Variants in SPPL3 observed in about 807,000 individuals in gnomAD.
The protein encoded by SPPL3 is signal peptide peptidase-like 3.
SPPL3 carries 5 observed loss-of-function variants against 42.4 expected under a neutral mutation model. The ratio of observed to expected loss-of-function variants is 0.12; its 90% CI spans 0.06 to 0.25. SPPL3 has a LOEUF of 0.25. Among genes scored for constraint, SPPL3 ranks in the 10% least tolerant of loss-of-function variants. The probability of loss-of-function intolerance (pLI) is 1.00; values close to 1 mark genes in which losing one functional copy is unlikely to be tolerated. For synonymous variants in SPPL3, 195 were observed against 181.8 expected (o/e 1.07, Z -0.58); for missense variants, 235 against 489.0 (o/e 0.48, Z 4.90).
intron 1 of SPPL3, among the ~76,000 whole-genome samples, chr12:120,852,165 G>A (rs943369771): frequency 6.6e-6 from 1 of 151,904 alleles, no homozygotes; most frequent in Non-Finnish European, 1.5e-5. Flanking sequence ...CTGCTCTGAC[G>A]AAAGTGTGCT....
intron 1 of SPPL3, among the ~76,000 whole-genome samples, chr12:120,826,792 C>T (rs564626048): frequency 1.3e-5 from 2 of 152,072 alleles, no homozygotes; most frequent in South Asian, 4.2e-4. Context: ...TACCTGGAGT[C>T]CTGCTGTCCA....
chr12:120,850,637 C>T (rs1872192767), intron 1 of SPPL3, among the ~76,000 whole-genome samples: 1 of 152,050 alleles, frequency 6.6e-6, no homozygotes, highest in Non-Finnish European at 1.5e-5. Flanking sequence ...GAGTAACATC[C>T]TATATTAGTT....
chr12:120,801,305 C>T (rs544886036), intron 2 of SPPL3, among the ~76,000 whole-genome samples: 2 of 152,318 alleles, frequency 1.3e-5, no homozygotes, highest in South Asian at 2.1e-4. Flanking sequence ...TCTTCTCTCT[C>T]TCTCATAATC....
chr12:120,793,918 AATTG>A (rs1438249179), intron 2 of SPPL3, among the ~76,000 whole-genome samples: 2 of 152,202 alleles, frequency 1.3e-5, no homozygotes, highest in African/African-American at 2.4e-5. Context: ...AATTAGGTCA[AATTG>A]ATTAAGAGTA....
chr12:120,866,965 A>G lies in SPPL3; in HGVS notation c.23+36880T>C, dbSNP rs140489160. ...AAGCAGTTTCTCTTAAAAATAAGGA[A>G]CGTTTTTTAAAACATTAGTGCTTGA... On this transcript the variant is annotated intron_variant, in intron 1 of 10. Coordinates refer to ENST00000353487, the MANE Select transcript of SPPL3 (RefSeq NM_139015.5). 2.1e-3 allele frequency among the ~76,000 whole-genome samples: 325 copies of G among 152,268 alleles called. 1 individual carries two copies. The highest frequency in any genetic ancestry group is 7.5e-3 in the African/African-American group (312 of 41,558).
intron 1 of SPPL3, among the ~76,000 whole-genome samples, chr12:120,818,606 C>T (rs1000744049): frequency 6.6e-6 from 1 of 152,194 alleles, no homozygotes; most frequent in Non-Finnish European, 1.5e-5. Context: ...TTCTATGTGT[C>T]AGCCTTCCAG....
intron 1 of SPPL3, among the ~76,000 whole-genome samples, chr12:120,826,301 A>G (rs555235276): frequency 6.6e-5 from 10 of 151,510 alleles, no homozygotes; most frequent in African/African-American, 2.4e-4. Flanking sequence ...CCAAAAAAAA[A>G]AAAAAAAAAA....
At chr12:120,769,251 T>C (rs1328195068) in intron 6 of SPPL3, 192 bp from the exon 7 acceptor site, 4 of 511,746 alleles carry the variant, frequency 7.8e-6, no homozygotes, top group Non-Finnish European at 1.1e-5. Context: ...ACTTGTGGAA[T>C]TTGGGGTGAT....
chr12:120,862,337 C>G (rs920493957), intron 1 of SPPL3, among the ~76,000 whole-genome samples: 1 of 152,052 alleles, frequency 6.6e-6, no homozygotes, highest in African/African-American at 2.4e-5. Flanking sequence ...CAATTCAATT[C>G]TGACACTATT....
chr12:120,847,304 A>T (rs1005198322), intron 1 of SPPL3, among the ~76,000 whole-genome samples: 2 of 152,006 alleles, frequency 1.3e-5, no homozygotes, highest in East Asian at 1.9e-4. Context: ...TTATTTATTT[A>T]TTTTTTAAGA....
At chr12:120,767,666 G>T in intron 8 of SPPL3, 73 bp from the exon 9 acceptor site, 1 of 1,520,884 alleles carries the variant, frequency 6.6e-7, no homozygotes, top group Non-Finnish European at 9.0e-7. Context: ...TGCAAAGTTT[G>T]TTAGCTTTTT....
intron 2 of SPPL3, among the ~76,000 whole-genome samples, chr12:120,792,440 G>A (rs149044674): frequency 0.014 from 2,119 of 152,114 alleles, 38 homozygotes; most frequent in African/African-American, 0.045. Flanking sequence ...AGTGGCTCAC[G>A]CCTGTAATCC....
chr12:120,804,564 T>C (rs929480104), intron 2 of SPPL3, among the ~76,000 whole-genome samples: 11 of 152,022 alleles, frequency 7.2e-5, no homozygotes, highest in Non-Finnish European at 1.5e-4. Context: ...ACCAGAACAG[T>C]AGAATAGCTA....
intron 6 of SPPL3, among the ~76,000 whole-genome samples, chr12:120,778,744 GACAC>G (rs1869423079): frequency 6.6e-6 from 1 of 151,530 alleles, no homozygotes; most frequent in Admixed American, 6.6e-5. Flanking sequence ...TAACTAACTT[GACAC>G]ACAGACATTC....
intron 1 of SPPL3, among the ~76,000 whole-genome samples, chr12:120,890,859 G>T (rs897090128): frequency 6.6e-6 from 1 of 152,154 alleles, no homozygotes; most frequent in Non-Finnish European, 1.5e-5. Context: ...ATGTCTCCGA[G>T]GTATCTAGCT....
At position 120,768,508 on chromosome 12, in the gene SPPL3, C is replaced by T. The variant is rs763201822; in HGVS notation, c.610-20G>A. 6.3e-7 allele frequency: 1 copy of T among 1,599,170 alleles called. No homozygotes were observed. Among genetic ancestry groups the T allele is most frequent in the Admixed American group, 1.7e-5 (1 of 59,134 alleles). On this transcript the variant is annotated intron_variant, in intron 7 of 10. Coordinates refer to ENST00000353487, the MANE Select transcript of SPPL3 (RefSeq NM_139015.5). ...AAATACCTGCCGAGTTGGAGAGATG[C>T]CTTTAACAGAGGGAGTTGGAAGCAA... is the stretch of plus-strand genomic sequence containing the variant.
At chr12:120,859,561 CAA>C (rs1872564095) in intron 1 of SPPL3, among the ~76,000 whole-genome samples, 1 of 152,188 alleles carries the variant, frequency 6.6e-6, no homozygotes, top group Admixed American at 6.5e-5. Context: ...CCACTGATAT[CAA>C]ATAATTCTTT....
rs148664467 is a variant in SPPL3, at chr12:120,853,789, C to T, written c.24-42903G>A. 4.5e-4 allele frequency among the ~76,000 whole-genome samples: 68 copies of T among 152,212 alleles called. No homozygotes were observed. In the Middle Eastern group the frequency reaches 0.014, roughly 30 times the overall value. On this transcript the variant is annotated intron_variant, in intron 1 of 10. Transcript: ENST00000353487. ...TTCCCAGGCAATACAGATGCTACTA[C>T]TAGTCCAAAGACCATACCTTAAAAA... is the stretch of plus-strand genomic sequence containing the variant.
chr12:120,805,819 C>T (rs537822859), intron 2 of SPPL3, among the ~76,000 whole-genome samples: 1 of 152,082 alleles, frequency 6.6e-6, no homozygotes, highest in African/African-American at 2.4e-5. Context: ...AAGCCTTGCA[C>T]ACTGAAAATT....
Sources: allele counts gnomAD v4.1 joint callset (sites outside exome capture counted in the v4.1 genomes callset), GRCh38; gene constraint gnomAD v4.1.1; transcripts MANE v1.5; gene names NCBI Gene and HGNC (gene_info 2026-07-23, HGNC 2026-07-21).